LIMCH1: variants seen among roughly 807,000 people sequenced by gnomAD.
The protein encoded by LIMCH1 is LIM and calponin homology domains-containing protein 1.
A neutral mutation model predicts 176.5 loss-of-function variants in LIMCH1; 113 were observed. The observed-to-expected ratio is 0.64, with a 90% confidence interval of 0.55 to 0.75. LIMCH1 has a LOEUF of 0.75. Ranked by LOEUF, LIMCH1 falls within the 30% of genes least tolerant of loss-of-function variation. The pLI is 0.00. For synonymous variants in LIMCH1, 619 were observed against 645.9 expected (o/e 0.96, Z 0.63); for missense variants, 1,674 against 1,814.9 (o/e 0.92, Z 1.41).
intron 1 of LIMCH1, among the ~76,000 whole-genome samples, chr4:41,483,201 A>G (rs2068945248): frequency 6.6e-6 from 1 of 152,054 alleles, no homozygotes; most frequent in Admixed American, 6.6e-5. Flanking sequence ...TAATGGAGGA[A>G]CCCAGTTCAG....
chr4:41,453,401 A>G (rs1203109119), intron 1 of LIMCH1, among the ~76,000 whole-genome samples: 1 of 152,226 alleles, frequency 6.6e-6, no homozygotes, highest in Non-Finnish European at 1.5e-5. Flanking sequence ...GTTAACATAT[A>G]TTTTGTATGT....
Position 41,687,917 on chromosome 4 carries a change from G to A in LIMCH1, c.4166G>A (p.Arg1389Lys). ...SPTPPGQSPN[R>K]SISGKKLCSS... is the part of the protein sequence containing the mutation. ...ACCCCTCCCGGTCAGTCACCAAACA[G>A]GTACAAGAGGTCAGCAGGCCTTTCT... Residue 1389 changes from arginine (R) to lysine (K), a missense_variant and splice_region_variant, in exon 29 of 32, where the codon AGG becomes AAG. Arg to Lys is a conservative substitution (Grantham distance 26). Around this residue, in one of 3 missense-constraint regions of LIMCH1, gnomAD observed 1,015 missense variants for 1,102.5 expected, o/e 0.92. Coordinates refer to ENST00000503057, the MANE Select transcript of LIMCH1 (RefSeq NM_001330672.2). The A allele has an allele frequency of 6.2e-7, 1 of 1,612,422 alleles. No homozygotes were observed. The highest frequency in any genetic ancestry group is 1.1e-5 in the South Asian group (1 of 90,988).
At chr4:41,531,741 A>T (rs1431689707) in intron 3 of LIMCH1, among the ~76,000 whole-genome samples, 1 of 152,164 alleles carries the variant, frequency 6.6e-6, no homozygotes, top group Non-Finnish European at 1.5e-5. Context: ...GGAAGACAGA[A>T]TTCTCCTTCA....
chr4:41,491,959 T>C lies in LIMCH1; in HGVS notation c.97-2577T>C, dbSNP rs573916998. On this transcript the variant is annotated intron_variant, in intron 1 of 26. Coordinates refer to the LIMCH1 transcript ENST00000313860. ...GAGGGGCTCCTCACATCCCAGACGA[T>C]GGGCGGCCAGGCAGAGATGCTGCTC... Among the ~76,000 whole-genome samples the C allele has an allele frequency of 5.2e-4, 75 of 144,970 alleles. 1 individual carries two copies. In the East Asian group the frequency reaches 0.015, roughly 28 times the overall value.
At chr4:41,670,885 T>C in intron 21 of LIMCH1, 1 of 1,490,654 alleles carries the variant, frequency 6.7e-7, no homozygotes, top group Non-Finnish European at 8.9e-7. Flanking sequence ...ATTTCTGATT[T>C]CTGGGGAAAA....
chr4:41,588,071 G>A (rs1020190253), intron 1 of LIMCH1, among the ~76,000 whole-genome samples: 1 of 151,956 alleles, frequency 6.6e-6, no homozygotes, highest in Non-Finnish European at 1.5e-5. Flanking sequence ...ATCTCCTAAT[G>A]CTATCCCTCC....
intron 1 of LIMCH1, among the ~76,000 whole-genome samples, chr4:41,378,122 G>A (rs1033273894): frequency 6.6e-6 from 1 of 152,200 alleles, no homozygotes; most frequent in Admixed American, 6.5e-5. Context: ...CATGAGCAGA[G>A]GCATGGAGGT....
intron 26 of LIMCH1, 27 bp from the exon 27 acceptor site, chr4:41,684,370 C>A: frequency 6.2e-7 from 1 of 1,608,556 alleles, no homozygotes; most frequent in Non-Finnish European, 8.5e-7. Flanking sequence ...TCTCTCTGCT[C>A]TGAAGTATAC....
At chr4:41,593,093 G>A (rs1194263930) in intron 1 of LIMCH1, among the ~76,000 whole-genome samples, 2 of 152,196 alleles carry the variant, frequency 1.3e-5, no homozygotes, top group African/African-American at 4.8e-5. Context: ...TGCCTTTGGA[G>A]TGTGAAAGGA....
At chr4:41,631,624 C>T (rs1211927218) in intron 10 of LIMCH1, 147 bp downstream of exon 10, 3 of 642,546 alleles carry the variant, frequency 4.7e-6, no homozygotes, top group African/African-American at 1.9e-5. Flanking sequence ...TAGCGGGTCC[C>T]CCTGCGGGGA....
At chr4:41,520,632 C>T (rs2076028569) in intron 2 of LIMCH1, among the ~76,000 whole-genome samples, 1 of 152,178 alleles carries the variant, frequency 6.6e-6, no homozygotes, top group African/African-American at 2.4e-5. Flanking sequence ...TAGTGGACAA[C>T]ACATAGCAGG....
chr4:41,678,405 G>A (rs747694766), intron 23 of LIMCH1, among the ~76,000 whole-genome samples: 12 of 152,036 alleles, frequency 7.9e-5, no homozygotes, highest in Non-Finnish European at 1.8e-4. Flanking sequence ...GTAGGAACCC[G>A]ATTCATCAAA....
At chr4:41,438,604 GC>G (rs2062352807) in intron 1 of LIMCH1, among the ~76,000 whole-genome samples, 2 of 152,128 alleles carry the variant, frequency 1.3e-5, no homozygotes, top group African/African-American at 4.8e-5. Flanking sequence ...CTCCCAAAGT[GC>G]TGGGATTACC....
intron 1 of LIMCH1, among the ~76,000 whole-genome samples, chr4:41,573,374 T>G (rs1283771806): frequency 2.6e-5 from 4 of 152,216 alleles, no homozygotes; most frequent in Non-Finnish European, 5.9e-5. Flanking sequence ...AATAAAATCA[T>G]GCATAGCAGT....
intron 1 of LIMCH1, among the ~76,000 whole-genome samples, chr4:41,365,581 G>A (rs1312503186): frequency 6.6e-6 from 1 of 152,228 alleles, no homozygotes; most frequent in African/African-American, 2.4e-5. Flanking sequence ...CCAACAGGTA[G>A]TTAACTTTGC....
chr4:41,604,363 A>G (rs1161444349), intron 3 of LIMCH1: 2 of 276,158 alleles, frequency 7.2e-6, no homozygotes, highest in Non-Finnish European at 1.1e-5. Flanking sequence ...CACTTTTATT[A>G]GTACTTGCCC....
chr4:41,408,990 G>A (rs1180747884), intron 1 of LIMCH1, among the ~76,000 whole-genome samples: 2 of 152,174 alleles, frequency 1.3e-5, no homozygotes, highest in African/African-American at 4.8e-5. Context: ...ATTATTTGCA[G>A]CTATATCCTG....
At chr4:41,574,608 C>G (rs984299605) in intron 1 of LIMCH1, among the ~76,000 whole-genome samples, 3 of 152,028 alleles carry the variant, frequency 2.0e-5, no homozygotes, top group African/African-American at 7.2e-5. Flanking sequence ...TTTTAGGATC[C>G]AGACTCATCC....
At chr4:41,615,704 A>T (rs1186627152) in intron 5 of LIMCH1, among the ~76,000 whole-genome samples, 1 of 152,246 alleles carries the variant, frequency 6.6e-6, no homozygotes, top group African/African-American at 2.4e-5. Flanking sequence ...GAAGATTGCT[A>T]GTCCTAATAA....
Sources: gnomAD v4.1 joint callset for allele counts (sites outside exome capture counted in the v4.1 genomes callset) on GRCh38, gnomAD v4.1.1 for gene constraint, gnomAD v4.1.1 regional missense constraint, MANE v1.5 for transcripts, NCBI Gene and HGNC (gene_info 2026-07-23, HGNC 2026-07-21) for gene names.